Variants in GNB5 observed in about 807,000 individuals in gnomAD.
GNB5 encodes guanine nucleotide-binding protein subunit beta-5.
A neutral mutation model predicts 55.3 loss-of-function variants in GNB5; 37 were observed. That is an observed-to-expected ratio of 0.67 (90% CI 0.51 to 0.88). The LOEUF (loss-of-function observed/expected upper bound fraction) is 0.88, where lower values mean the gene tolerates loss of function less well. GNB5 is among the 40% of genes least tolerant of loss of function. GNB5 has a pLI of 0.00. For missense variants in GNB5, 476 were observed against 515.3 expected (o/e 0.92, Z 0.74); for synonymous variants, 219 against 198.5 (o/e 1.10, Z -0.87).
chr15:52,173,350 C>T (rs1242963072), intron 3 of GNB5, among the ~76,000 whole-genome samples: 1 of 152,236 alleles, frequency 6.6e-6, no homozygotes, highest in Admixed American at 6.5e-5. Context: ...GCTGGGATTA[C>T]AGGCATGAGC....
At chr15:52,127,354 T>C (rs1048759817) in intron 10 of GNB5, among the ~76,000 whole-genome samples, 2 of 152,240 alleles carry the variant, frequency 1.3e-5, no homozygotes, top group East Asian at 3.8e-4. Context: ...GTAAATGACC[T>C]GCATTTTACC....
At chr15:52,130,614 G>GTC (rs1317259748) in intron 9 of GNB5, among the ~76,000 whole-genome samples, 2 of 152,082 alleles carry the variant, frequency 1.3e-5, no homozygotes, top group Non-Finnish European at 2.9e-5. Context: ...TTTTCTCTCT[G>GTC]TCTCTCTCTC....
intron 3 of GNB5, among the ~76,000 whole-genome samples, chr15:52,176,225 T>C (rs1230081812): frequency 2.0e-5 from 3 of 152,138 alleles, no homozygotes; most frequent in Non-Finnish European, 1.5e-5. Flanking sequence ...TCCCCCAGGC[T>C]CTCAGCCACT....
chr15:52,179,431 A>C (rs1596109128), intron 3 of GNB5, among the ~76,000 whole-genome samples: 1 of 151,048 alleles, frequency 6.6e-6, no homozygotes, highest in African/African-American at 2.4e-5. Flanking sequence ...CCGACACCCC[A>C]CCCCCTGCCC....
At chr15:52,134,795 G>A (rs369006941) in intron 8 of GNB5, among the ~76,000 whole-genome samples, 3 of 152,054 alleles carry the variant, frequency 2.0e-5, no homozygotes, top group Non-Finnish European at 2.9e-5. Context: ...GCCTCCTGAC[G>A]GAGGTGAGAC....
intron 7 of GNB5, among the ~76,000 whole-genome samples, chr15:52,136,172 A>ACACACACACCCAC (rs1168734914): frequency 3.0e-5 from 3 of 100,118 alleles, no homozygotes; most frequent in East Asian, 5.5e-4. Context: ...ACACACACAC[A>ACACACACACCCAC]CCCTACCTGC....
Position 52,136,651 on chromosome 15 carries a change from C to T in GNB5, c.628-895G>A, listed in dbSNP as rs2033731060. ...CCCAGAGGCTTCCCAGGACCACTGA[C>T]GGGTGCCAGAGGATATTCACGCATA... On this transcript the variant is annotated intron_variant, in intron 7 of 12. Transcript: ENST00000261837. 2.6e-5 allele frequency among the ~76,000 whole-genome samples: 4 copies of T among 152,174 alleles called. No homozygotes were observed. In the South Asian group the frequency reaches 6.2e-4, roughly 24 times the overall value.
chr15:52,129,253 C>T (rs556153472), intron 9 of GNB5, among the ~76,000 whole-genome samples: 6 of 152,070 alleles, frequency 3.9e-5, no homozygotes, highest in East Asian at 1.9e-4. Context: ...ACCGCACCCA[C>T]GCTGTTTCTC....
At chr15:52,153,350 A>C (rs1270553726) in intron 4 of GNB5, among the ~76,000 whole-genome samples, 1 of 152,198 alleles carries the variant, frequency 6.6e-6, no homozygotes, top group African/African-American at 2.4e-5. Context: ...CCCGACCAAC[A>C]TCTTCACACA....
intron 8 of GNB5, among the ~76,000 whole-genome samples, chr15:52,134,058 C>T (rs1210609110): frequency 6.6e-6 from 1 of 152,204 alleles, no homozygotes; most frequent in African/African-American, 2.4e-5. Context: ...GTGCTGCCAT[C>T]GACGCGCAGG....
rs957744121 is a variant in GNB5 at position 52,122,669 on chromosome 15, A to G, written c.*88T>C. 35 of 1,089,598 alleles carry G rather than the reference A, an allele frequency of 3.2e-5. No individual in the cohort carries two copies. The highest frequency in any genetic ancestry group is 5.0e-5 in the Non-Finnish European group (35 of 704,512). The allele number at this position is 1,089,598 out of a possible 1,614,324, so 67.5% of individuals were successfully genotyped here. A position where few individuals can be genotyped will look rare whatever the true frequency, so the allele number is the denominator to read the frequency against. On this transcript the variant is annotated 3_prime_UTR_variant, in exon 13 of 13. Coordinates refer to ENST00000261837, the MANE Select transcript of GNB5 (RefSeq NM_016194.4). ...TTGCTCCCCTAAGCTACACTGCAAT[A>G]AACTCTAAGCTCCTCTAGAAGTAAT...
chr15:52,161,031 C>T (rs2034320870), intron 3 of GNB5, among the ~76,000 whole-genome samples: 1 of 152,134 alleles, frequency 6.6e-6, no homozygotes. Context: ...GATTGTGTGT[C>T]TCCTGGGTGA....
chr15:52,189,746 G>GA (rs1430859532), intron 1 of GNB5, among the ~76,000 whole-genome samples: 1 of 152,160 alleles, frequency 6.6e-6, no homozygotes, highest in Non-Finnish European at 1.5e-5. Flanking sequence ...AAAAAAGAAT[G>GA]ACGTTCTGAC....
chr15:52,190,395 G>T (rs894692849), intron 1 of GNB5, among the ~76,000 whole-genome samples: 15 of 152,116 alleles, frequency 9.9e-5, no homozygotes, highest in African/African-American at 3.6e-4. Flanking sequence ...GGGATTACAG[G>T]CATGAGCCAC....
At chr15:52,166,841 A>G (rs1257434358) in intron 3 of GNB5, among the ~76,000 whole-genome samples, 1 of 152,190 alleles carries the variant, frequency 6.6e-6, no homozygotes, top group Admixed American at 6.5e-5. Flanking sequence ...TCAGAGTGGA[A>G]CTAAAGGAGA....
At chr15:52,162,135 G>A (rs2034349262) in intron 3 of GNB5, among the ~76,000 whole-genome samples, 1 of 152,200 alleles carries the variant, frequency 6.6e-6, no homozygotes. Context: ...AATGGGGCCT[G>A]AGGGAAGAGC....
intron 10 of GNB5, among the ~76,000 whole-genome samples, chr15:52,126,639 T>G (rs8032818): frequency 6.6e-6 from 1 of 152,034 alleles, no homozygotes; most frequent in African/African-American, 2.4e-5. Context: ...TAATTTTTCT[T>G]TTTTATAAAT....
At position 52,119,473 on chromosome 15, in the gene GNB5, G is replaced by C. The variant is rs1343295983; in HGVS notation, c.*3284C>G. ...GAGGAGGAGATGGGAGGGAGGGAGG[G>C]GGAAATGGGAGAGAGGGAGGAGAGA... On this transcript the variant is annotated 3_prime_UTR_variant, in exon 13 of 13. Transcript: ENST00000261837. 1.2e-5 allele frequency: 1 copy of C among 82,044 alleles called. No individual in the cohort carries two copies. The highest frequency in any genetic ancestry group is 5.5e-5 in the African/African-American group (1 of 18,194). 5.1% of individuals were successfully genotyped at this position (82,044 alleles called of 1,614,324 possible). A position where few individuals can be genotyped will look rare whatever the true frequency, so the allele number is the denominator to read the frequency against.
rs1157215727 is a variant in GNB5, at chr15:52,121,096, T to C, written c.*1661A>G. The C allele has an allele frequency of 6.6e-6, 1 of 152,244 alleles. No individual in the cohort carries two copies. Among genetic ancestry groups the C allele is most frequent in the African/African-American group, 2.4e-5 (1 of 41,462 alleles). 9.4% of individuals were successfully genotyped at this position (152,244 alleles called of 1,614,324 possible). ...GAGCATCTGGTCCAGTCCTGTCTTA[T>C]GGCTGTGCCCAGCTCCAGCTCTGGA... On this transcript the variant is annotated 3_prime_UTR_variant, in exon 13 of 13. Coordinates refer to ENST00000261837, the MANE Select transcript of GNB5 (RefSeq NM_016194.4).
Sources: allele counts gnomAD v4.1 joint callset (sites outside exome capture counted in the v4.1 genomes callset), GRCh38; gene constraint gnomAD v4.1.1; transcripts MANE v1.5; gene names NCBI Gene and HGNC (gene_info 2026-07-23, HGNC 2026-07-21).